The following FRMD6 variants were observed in gnomAD, a reference collection of about 807,000 sequenced individuals.
FRMD6 encodes FERM domain-containing protein 6.
FRMD6 carries 37 observed loss-of-function variants against 73.2 expected under a neutral mutation model. The ratio of observed to expected loss-of-function variants is 0.51; its 90% CI spans 0.39 to 0.66. The LOEUF (loss-of-function observed/expected upper bound fraction) is 0.66, where lower values mean the gene tolerates loss of function less well. Among genes scored for constraint, FRMD6 ranks in the 30% least tolerant of loss-of-function variants. The probability of loss-of-function intolerance (pLI) is 0.00; values close to 1 mark genes in which losing one functional copy is unlikely to be tolerated. For synonymous variants in FRMD6, 273 were observed against 282.2 expected (o/e 0.97, Z 0.33); for missense variants, 714 against 780.5 (o/e 0.91, Z 1.02).
Position 51,652,014 on chromosome 14 carries a change from G to A in FRMD6, c.-147+18G>A, listed in dbSNP as rs1892438498. 1 of 152,140 alleles carries A rather than the reference G, an allele frequency of 6.6e-6. No individual in the cohort carries two copies. Among genetic ancestry groups the A allele is most frequent in the East Asian group, 1.9e-4 (1 of 5,164 alleles). The allele number at this position is 152,140 out of a possible 1,614,324, so 9.4% of individuals were successfully genotyped here. On this transcript the variant is annotated intron_variant, in intron 1 of 13. Transcript: ENST00000344768. Reference sequence around the variant, plus strand: ...TCTCCGAGGTATGAACAAGAACCAGGCGTCTGGGCCCTTTCCGCTCGCCCC... The same window carrying A: ...TCTCCGAGGTATGAACAAGAACCAGACGTCTGGGCCCTTTCCGCTCGCCCC...
the FRMD6 span, among the ~76,000 whole-genome samples, chr14:51,442,811 G>A: frequency 6.6e-6 from 1 of 152,166 alleles, no homozygotes; most frequent in Admixed American, 6.5e-5. Context: ...GACCTCTTTA[G>A]TATAACCATT....
chr14:51,640,626 T>C (rs1206266884), intron 2 of FRMD6, among the ~76,000 whole-genome samples: 2 of 152,370 alleles, frequency 1.3e-5, no homozygotes, highest in East Asian at 3.9e-4. Flanking sequence ...TTGAGTATAT[T>C]TGAATTCATA....
chr14:51,650,464 CG>C (rs1892294646), upstream of FRMD6: 2 of 140,376 alleles, frequency 1.4e-5, no homozygotes, highest in African/African-American at 5.4e-5. Flanking sequence ...GGCGGGATCT[CG>C]GCTCACTGCA....
chr14:51,608,533 C>T (rs559096709), intron 2 of FRMD6, among the ~76,000 whole-genome samples: 2 of 152,214 alleles, frequency 1.3e-5, no homozygotes, highest in East Asian at 3.9e-4. Context: ...CCCCTTCCTT[C>T]TCTCAGGCTT....
At chr14:51,467,172 A>G in the FRMD6 span, among the ~76,000 whole-genome samples, 1 of 152,138 alleles carries the variant, frequency 6.6e-6, no homozygotes, top group Non-Finnish European at 1.5e-5. Context: ...GATGACTCTT[A>G]AGGAGCATGC....
At chr14:51,458,171 T>C in the FRMD6 span, among the ~76,000 whole-genome samples, 4 of 152,230 alleles carry the variant, frequency 2.6e-5, no homozygotes, top group African/African-American at 9.6e-5. Flanking sequence ...TTAATGATTT[T>C]TGAAGAGTAG....
intron 1 of FRMD6, among the ~76,000 whole-genome samples, chr14:51,535,036 C>G (rs1203730137): frequency 6.6e-6 from 1 of 152,196 alleles, no homozygotes; most frequent in East Asian, 1.9e-4. Context: ...CAAAAGTGAA[C>G]TACTCAGATA....
chr14:51,511,870 T>TATAATAATAATAATAATA (rs147559656), intron 1 of FRMD6, among the ~76,000 whole-genome samples: 166 of 150,306 alleles, frequency 1.1e-3, no homozygotes, highest in African/African-American at 3.9e-3. Flanking sequence ...GAACTTAAAG[T>TATAATAATAATAATAATA]ATAATAATAA....
At chr14:51,518,451 A>C (rs990122846) in intron 1 of FRMD6, among the ~76,000 whole-genome samples, 1 of 152,206 alleles carries the variant, frequency 6.6e-6, no homozygotes, top group African/African-American at 2.4e-5. Context: ...TATTCTCAGA[A>C]GCGCATTTCC....
chr14:51,611,026 A>G (rs2139863252), intron 2 of FRMD6, among the ~76,000 whole-genome samples: 1 of 152,286 alleles, frequency 6.6e-6, no homozygotes, highest in Admixed American at 6.5e-5. Flanking sequence ...GTGCCAGAAC[A>G]AATACAATTA....
At chr14:51,667,530 C>T (rs1893688560) in intron 1 of FRMD6, among the ~76,000 whole-genome samples, 1 of 152,110 alleles carries the variant, frequency 6.6e-6, no homozygotes, top group African/African-American at 2.4e-5. Context: ...ATACTTAACC[C>T]ATCTAAATAT....
chr14:51,520,073 A>G (rs565150923), intron 1 of FRMD6, among the ~76,000 whole-genome samples: 6 of 152,248 alleles, frequency 3.9e-5, no homozygotes, highest in Non-Finnish European at 8.8e-5. Context: ...CAATACATAT[A>G]TATGTCAAAA....
intron 10 of FRMD6, among the ~76,000 whole-genome samples, chr14:51,718,956 C>A (rs1353718770): frequency 6.6e-6 from 1 of 152,150 alleles, no homozygotes; most frequent in Non-Finnish European, 1.5e-5. Context: ...AACCAAGAAA[C>A]AAGACAATTA....
the FRMD6 span, among the ~76,000 whole-genome samples, chr14:51,451,090 T>G: frequency 6.6e-6 from 1 of 151,996 alleles, no homozygotes; most frequent in Non-Finnish European, 1.5e-5. Flanking sequence ...CAAAGGGAGA[T>G]GAGATAGAGA....
chr14:51,525,007 G>A (rs1885151409), intron 1 of FRMD6, among the ~76,000 whole-genome samples: 1 of 134,254 alleles, frequency 7.4e-6, no homozygotes, highest in South Asian at 2.6e-4. Flanking sequence ...CCAGGATTGT[G>A]TGTTGGGTGG....
At chr14:51,632,615 AC>A (rs1466500548) in intron 2 of FRMD6, among the ~76,000 whole-genome samples, 1 of 151,948 alleles carries the variant, frequency 6.6e-6, no homozygotes, top group African/African-American at 2.4e-5. Flanking sequence ...TCTCCATCTC[AC>A]CCCTCTCCAT....
chr14:51,635,498 T>TATCA (rs1566516592), intron 2 of FRMD6, among the ~76,000 whole-genome samples: 2 of 152,216 alleles, frequency 1.3e-5, no homozygotes, highest in Non-Finnish European at 2.9e-5. Context: ...ATCTTCAGCA[T>TATCA]ATCAGTAAAA....
intron 1 of FRMD6, among the ~76,000 whole-genome samples, chr14:51,525,713 C>A (rs1192855344): frequency 1.3e-5 from 2 of 152,262 alleles, no homozygotes; most frequent in East Asian, 3.9e-4. Flanking sequence ...CACCATAACC[C>A]CTGACCTTAC....
the FRMD6 span, chr14:51,436,863 G>T: frequency 2.8e-6 from 2 of 725,118 alleles, no homozygotes; most frequent in Non-Finnish European, 4.5e-6. Flanking sequence ...GAGGAGAAAG[G>T]ATTAGAAGGT....
Sources: allele counts gnomAD v4.1 joint callset (sites outside exome capture counted in the v4.1 genomes callset), GRCh38; gene constraint gnomAD v4.1.1; transcripts MANE v1.5; gene names NCBI Gene and HGNC (gene_info 2026-07-23, HGNC 2026-07-21).